The following LRIG2 variants were observed in gnomAD, a reference collection of about 807,000 sequenced individuals.
LRIG2 encodes the protein leucine rich repeats and immunoglobulin like domains 2, also known as leucine-rich repeats and immunoglobulin-like domains protein 2.
A neutral mutation model predicts 107.8 loss-of-function variants in LRIG2; 93 were observed. That is an observed-to-expected ratio of 0.86 (90% CI 0.73 to 1.03). The LOEUF is 1.03. LRIG2 is among the 50% of genes least tolerant of loss of function. LRIG2 has a pLI of 0.00. For synonymous variants in LRIG2, 471 were observed against 470.6 expected, an observed-to-expected ratio of 1.00 and a Z score of -0.01; for missense variants, 1,226 against 1,296.0, an observed-to-expected ratio of 0.95 and a Z score of 0.83.
Position 113,124,396 on chromosome 1 carries a change from TTG to T in LRIG2, c.*297_*298del. 9.2e-6 allele frequency: 4 copies of T among 437,040 alleles called. No individual in the cohort carries two copies. Among genetic ancestry groups the T allele is most frequent in the Non-Finnish European group, 1.7e-5 (4 of 237,504 alleles). The allele number at this position is 437,040 out of a possible 1,614,324, so 27.1% of individuals were successfully genotyped here. The stretch of plus-strand genomic sequence containing the variant: ...GGGATGTGCCCTGGTGTGCATCTGC[TTG>T]TCAGGAAGAGTCACATTGCTGCTTA... On this transcript the variant is annotated 3_prime_UTR_variant, in exon 18 of 18. Coordinates refer to ENST00000361127, the MANE Select transcript of LRIG2 (RefSeq NM_014813.3).
chr1:113,084,116 A>T (rs1653427776), intron 1 of LRIG2, among the ~76,000 whole-genome samples: 1 of 150,180 alleles, frequency 6.7e-6, no homozygotes, highest in Admixed American at 6.7e-5. Flanking sequence ...AATCTTCCCT[A>T]GTGAGGCTAA....
At chr1:113,118,013 C>T (rs762460887) in intron 16 of LRIG2, among the ~76,000 whole-genome samples, 22 of 151,400 alleles carry the variant, frequency 1.5e-4, no homozygotes, top group Non-Finnish European at 1.0e-4. Context: ...TTTGCCTCCC[C>T]GGTTCAAGCG....
intron 17 of LRIG2, among the ~76,000 whole-genome samples, chr1:113,120,304 G>T (rs1414969767): frequency 6.6e-6 from 1 of 151,406 alleles, no homozygotes; most frequent in African/African-American, 2.4e-5. Flanking sequence ...ACAAAAATTA[G>T]CCTAACATGG....
chr1:113,077,581 C>G (rs1653039025), intron 1 of LRIG2, among the ~76,000 whole-genome samples: 1 of 151,964 alleles, frequency 6.6e-6, no homozygotes, highest in South Asian at 2.1e-4. Context: ...AATTTGTTTG[C>G]ATTTGTTTCT....
intron 12 of LRIG2, among the ~76,000 whole-genome samples, chr1:113,108,429 G>A (rs1175948004): frequency 6.6e-6 from 1 of 151,182 alleles, no homozygotes; most frequent in Non-Finnish European, 1.5e-5. Flanking sequence ...TTGCCATGTT[G>A]GCCAGGCTGG....
intron 1 of LRIG2, among the ~76,000 whole-genome samples, chr1:113,081,222 C>T (rs765839690): frequency 3.3e-5 from 5 of 152,106 alleles, no homozygotes; most frequent in African/African-American, 7.2e-5. Context: ...TTCGGAAAAA[C>T]GTATCCACAA....
At position 113,125,556 on chromosome 1, in the gene LRIG2, T is replaced by G. The variant is rs1344911957; in HGVS notation, c.*1455T>G. The G allele has an allele frequency of 6.6e-6, 1 of 152,230 alleles. No homozygotes were observed. Among genetic ancestry groups the G allele is most frequent in the Non-Finnish European group, 1.5e-5 (1 of 68,052 alleles). 9.4% of individuals were successfully genotyped at this position (152,230 alleles called of 1,614,324 possible). A position where few individuals can be genotyped will look rare whatever the true frequency, so the allele number is the denominator to read the frequency against. On this transcript the variant is annotated 3_prime_UTR_variant, in exon 18 of 18. Coordinates refer to ENST00000361127, the MANE Select transcript of LRIG2 (RefSeq NM_014813.3). ...TGAGTTAGATCGGGTTGTTACTTTA[T>G]GTATAATGAACGCTTCAAAAACTGG...
At chr1:113,111,569 A>C (rs1292998919) in intron 13 of LRIG2, among the ~76,000 whole-genome samples, 1 of 152,294 alleles carries the variant, frequency 6.6e-6, no homozygotes, top group East Asian at 1.9e-4. Context: ...GTGAGAACAT[A>C]TGGTGTTTGG....
chr1:113,119,270 T>G lies in LRIG2; in HGVS notation c.2718T>G (p.Tyr906Ter). ...TGTRVICSDC[Y>*]DNANIYSRTR... ...CCCGGGTGATTTGCTCAGATTGTTA[T>G]GACAATGCCAACATCTACTCCAGGA... The change falls in exon 17 of 18, where the codon TAT becomes TAG. Residue 906 changes from tyrosine (Y) to a stop codon, truncating the protein, a stop_gained. Transcript: ENST00000361127. LOFTEE classifies it high-confidence loss of function. 1.2e-6 allele frequency: 2 copies of G among 1,614,128 alleles called. No individual in the cohort carries two copies. Among genetic ancestry groups the G allele is most frequent in the African/African-American group, 1.3e-5 (1 of 75,038 alleles).
rs1408083195 is a variant in LRIG2 at position 113,124,791 on chromosome 1, A to C, written c.*690A>C. 7 of 152,202 alleles carry C rather than the reference A, an allele frequency of 4.6e-5. No individual in the cohort carries two copies. Among genetic ancestry groups the C allele is most frequent in the Non-Finnish European group, 8.8e-5 (6 of 68,074 alleles). The allele number at this position is 152,202 out of a possible 1,614,324, so 9.4% of individuals were successfully genotyped here. Reference sequence around the variant, plus strand: ...TTTTTGATATGCCAAAATTATATGTAATATCCAGTTATAATATTGACAAGT... The same window carrying C: ...TTTTTGATATGCCAAAATTATATGTCATATCCAGTTATAATATTGACAAGT... On this transcript the variant is annotated 3_prime_UTR_variant, in exon 18 of 18. Coordinates refer to ENST00000361127, the MANE Select transcript of LRIG2 (RefSeq NM_014813.3).
Position 113,119,241 on chromosome 1 carries a change from G to C in LRIG2, c.2689G>C (p.Gly897Arg). Reference protein sequence around the residue: ...YIHKGTDGGTGTRVICSDCYD... With the variant: ...YIHKGTDGGTRTRVICSDCYD... ...CTTTTTCTTGTTATTAGGTGGCACT[G>C]GTACCCGGGTGATTTGCTCAGATTG... is the stretch of plus-strand genomic sequence containing the variant. Residue 897 changes from glycine to arginine, a missense_variant, in exon 17 of 18, where the codon GGT (glycine) becomes CGT (arginine). Transcript: ENST00000361127. 1 of 1,607,392 alleles carries C rather than the reference G, an allele frequency of 6.2e-7. No individual in the cohort carries two copies. Among genetic ancestry groups the C allele is most frequent in the Non-Finnish European group, 8.5e-7 (1 of 1,174,446 alleles).
intron 12 of LRIG2, among the ~76,000 whole-genome samples, chr1:113,109,578 C>T (rs370866613): frequency 2.6e-5 from 4 of 152,120 alleles, no homozygotes; most frequent in African/African-American, 7.2e-5. Flanking sequence ...AGTGAAGTGG[C>T]GTGATCTCGG....
At chr1:113,112,825 A>C (rs1316843430) in intron 14 of LRIG2, 65 bp downstream of exon 14, 2 of 1,444,332 alleles carry the variant, frequency 1.4e-6, no homozygotes, top group South Asian at 2.9e-5. Flanking sequence ...CTTGGTCTTA[A>C]TGAGCAAGAA....
chr1:113,099,881 T>C (rs553335679), intron 9 of LRIG2, among the ~76,000 whole-genome samples: 26 of 152,332 alleles, frequency 1.7e-4, no homozygotes, highest in African/African-American at 6.0e-4. Context: ...ATGAGGAATA[T>C]AATGAATTTA....
chr1:113,115,199 C>G (rs1359018558), intron 15 of LRIG2, among the ~76,000 whole-genome samples: 1 of 152,150 alleles, frequency 6.6e-6, no homozygotes, highest in African/African-American at 2.4e-5. Flanking sequence ...AGGTTCATAA[C>G]AGAACCTCTT....
intron 14 of LRIG2, among the ~76,000 whole-genome samples, chr1:113,113,610 T>G (rs2101059363): frequency 6.6e-6 from 1 of 151,750 alleles, no homozygotes; most frequent in East Asian, 1.9e-4. Flanking sequence ...TTGCCCAGGC[T>G]GGAATGCAGT....
rs2101083110 is a variant in LRIG2, at chr1:113,130,686, T to C, written c.*6585T>C. 6.6e-6 allele frequency: 1 copy of C among 152,314 alleles called. No individual in the cohort carries two copies. The highest frequency in any genetic ancestry group is 2.4e-5 in the African/African-American group (1 of 41,572). The allele number at this position is 152,314 out of a possible 1,614,324, so 9.4% of individuals were successfully genotyped here. A position where few individuals can be genotyped will look rare whatever the true frequency, so the allele number is the denominator to read the frequency against. ...TATCATTGGAAATCCCCAGAAGCAA[T>C]CTGATAGTCTTAAAACTTTGTCCTT... On this transcript the variant is annotated 3_prime_UTR_variant, in exon 18 of 18. Coordinates refer to ENST00000361127, the MANE Select transcript of LRIG2 (RefSeq NM_014813.3).
At chr1:113,075,251 G>T (rs1435860182) in intron 1 of LRIG2, among the ~76,000 whole-genome samples, 1 of 151,916 alleles carries the variant, frequency 6.6e-6, no homozygotes, top group African/African-American at 2.4e-5. Context: ...ATAGGTTGAA[G>T]TGCAATTAAA....
chr1:113,076,024 AAGAG>A (rs749404156), intron 1 of LRIG2, among the ~76,000 whole-genome samples: 1 of 143,684 alleles, frequency 7.0e-6, no homozygotes, highest in Non-Finnish European at 1.5e-5. Context: ...TTTTTTATTT[AAGAG>A]AGAGTCTTGC....
Sources: allele counts gnomAD v4.1 joint callset (sites outside exome capture counted in the v4.1 genomes callset), GRCh38; gene constraint gnomAD v4.1.1; transcripts MANE v1.5; gene names NCBI Gene and HGNC (gene_info 2026-07-23, HGNC 2026-07-21).